PRR5L: variants seen among roughly 807,000 people sequenced by gnomAD.
PRR5L encodes proline rich 5 like, also known as proline-rich protein 5-like.
PRR5L carries 21 observed loss-of-function variants against 36.4 expected under a neutral mutation model. The observed-to-expected ratio is 0.58, with a 90% CI of 0.41 to 0.83. PRR5L has a LOEUF of 0.83. Among genes scored for constraint, PRR5L ranks in the 40% least tolerant of loss-of-function variants. PRR5L has a pLI of 0.00. For missense variants in PRR5L, 381 were observed against 473.3 expected (o/e 0.80, Z 1.81); for synonymous variants, 188 against 197.0 (o/e 0.95, Z 0.38).
chr11:36,443,183 G>A (rs780767987), intron 6 of PRR5L, among the ~76,000 whole-genome samples: 16 of 152,148 alleles, frequency 1.1e-4, no homozygotes, highest in Admixed American at 3.9e-4. Context: ...GCTTATAACC[G>A]TGGCAGAAAG....
chr11:36,302,245 A>C (rs1033919958), intron 1 of PRR5L, among the ~76,000 whole-genome samples: 1 of 152,184 alleles, frequency 6.6e-6, no homozygotes, highest in African/African-American at 2.4e-5. Flanking sequence ...GACCTGAGGA[A>C]GAGTGATCCT....
chr11:36,332,964 A>T (rs1171398898), intron 1 of PRR5L, among the ~76,000 whole-genome samples: 3 of 152,060 alleles, frequency 2.0e-5, no homozygotes, highest in Admixed American at 1.3e-4. Context: ...AAATGGACTA[A>T]TAAACCATTC....
At chr11:36,313,889 A>C (rs1040624434) in intron 1 of PRR5L, among the ~76,000 whole-genome samples, 2 of 152,224 alleles carry the variant, frequency 1.3e-5, no homozygotes, top group Non-Finnish European at 2.9e-5. Flanking sequence ...TGCACTGGGC[A>C]GTTTGGTGTA....
intron 1 of PRR5L, among the ~76,000 whole-genome samples, chr11:36,309,161 G>A (rs1856468323): frequency 6.6e-6 from 1 of 152,204 alleles, no homozygotes; most frequent in South Asian, 2.1e-4. Context: ...GGCTCAGGGA[G>A]GGAAAGACTT....
intron 1 of PRR5L, among the ~76,000 whole-genome samples, chr11:36,389,067 A>G (rs1381738371): frequency 1.3e-5 from 2 of 152,232 alleles, no homozygotes; most frequent in Admixed American, 6.5e-5. Context: ...ACATATGGCC[A>G]GTTCCCTGTT....
chr11:36,302,638 T>G (rs1261968691), intron 1 of PRR5L, among the ~76,000 whole-genome samples: 1 of 151,926 alleles, frequency 6.6e-6, no homozygotes, highest in Non-Finnish European at 1.5e-5. Flanking sequence ...ATACAAAAAA[T>G]TAGCTGGGCA....
At chr11:36,374,150 C>T (rs1223979625) in intron 1 of PRR5L, among the ~76,000 whole-genome samples, 1 of 151,430 alleles carries the variant, frequency 6.6e-6, no homozygotes, top group African/African-American at 2.4e-5. Flanking sequence ...CTCTGTCTCC[C>T]AGGCTGGAGT....
intron 1 of PRR5L, among the ~76,000 whole-genome samples, chr11:36,331,798 CGAGTTCATAGAAAAATGT>C (rs1565393320): frequency 6.6e-6 from 1 of 152,118 alleles, no homozygotes; most frequent in East Asian, 1.9e-4. Flanking sequence ...TGTATATCCA[CGAGTTCATAGAAAAATGT>C]GATTCAAAGA....
intron 4 of PRR5L, among the ~76,000 whole-genome samples, chr11:36,423,863 GCTCC>G (rs1017301688): frequency 2.6e-5 from 4 of 152,268 alleles, no homozygotes; most frequent in Admixed American, 2.6e-4. Context: ...TGGCCTAGAA[GCTCC>G]CACTGGCCAC....
intron 4 of PRR5L, among the ~76,000 whole-genome samples, chr11:36,420,463 T>C (rs932358972): frequency 6.6e-6 from 1 of 152,094 alleles, no homozygotes; most frequent in Non-Finnish European, 1.5e-5. Context: ...TCCTTTTCTG[T>C]GAAACAGCAG....
At chr11:36,455,280 A>G (rs909418926) in intron 8 of PRR5L, 3 of 152,698 alleles carry the variant, frequency 2.0e-5, no homozygotes, top group Non-Finnish European at 4.4e-5. Flanking sequence ...GGGCCTGGCC[A>G]GGGAGCCTGG....
intron 7 of PRR5L, among the ~76,000 whole-genome samples, 199 bp downstream of exon 7, chr11:36,446,639 G>T (rs1590600653): frequency 6.6e-6 from 1 of 152,310 alleles, no homozygotes; most frequent in African/African-American, 2.4e-5. Context: ...GTTAGGTCCT[G>T]GTGCTGTGCT....
chr11:36,298,764 G>C (rs1162029313), intron 1 of PRR5L, among the ~76,000 whole-genome samples: 1 of 152,210 alleles, frequency 6.6e-6, no homozygotes, highest in Non-Finnish European at 1.5e-5. Context: ...GAGGTTAAAA[G>C]TCCAAGATCA....
chr11:36,446,081 C>T (rs903260306), intron 6 of PRR5L, among the ~76,000 whole-genome samples: 5 of 152,220 alleles, frequency 3.3e-5, no homozygotes, highest in South Asian at 2.1e-4. Context: ...TATTGTCTTT[C>T]GGTCATTTAG....
chr11:36,411,000 C>A (rs1313695609), intron 3 of PRR5L, among the ~76,000 whole-genome samples: 1 of 152,192 alleles, frequency 6.6e-6, no homozygotes, highest in African/African-American at 2.4e-5. Context: ...TTGGGGCAAA[C>A]CCTACTTGCC....
At chr11:36,352,481 T>G (rs1349175815) in intron 1 of PRR5L, among the ~76,000 whole-genome samples, 1 of 151,932 alleles carries the variant, frequency 6.6e-6, no homozygotes, top group Non-Finnish European at 1.5e-5. Context: ...AATTAGAGAG[T>G]TTTAGATCTA....
In PRR5L at chr11:36,404,276, T is replaced by TGTTTTTG. The variant is rs200989174; in HGVS notation, c.245+898_245+899insGTTTTTG. Among the ~76,000 whole-genome samples, 47 of 150,352 alleles carry TGTTTTTG rather than the reference T, an allele frequency of 3.1e-4. 1 individual carries two copies. Among genetic ancestry groups the TGTTTTTG allele is most frequent in the Non-Finnish European group, 4.4e-4 (30 of 67,784 alleles). ...AGATCGATCCATCAGGTCTTTTTTTTTTTTTTTTTTTTTTAAACGGAGTCT... is the reference window on the plus strand; with the variant it reads ...AGATCGATCCATCAGGTCTTTTTTTTGTTTTTGTTTTTTTTTTTTTTAAACGGAGTCT... On this transcript the variant is annotated intron_variant, in intron 3 of 8. Transcript: ENST00000530639.
chr11:36,303,918 G>A (rs1358792272), intron 1 of PRR5L, among the ~76,000 whole-genome samples: 2 of 152,114 alleles, frequency 1.3e-5, no homozygotes, highest in Non-Finnish European at 2.9e-5. Flanking sequence ...GTGGCTTATT[G>A]ATCAGGGTGG....
chr11:36,353,925 T>C (rs543649698), intron 1 of PRR5L, among the ~76,000 whole-genome samples: 6 of 152,022 alleles, frequency 3.9e-5, no homozygotes, highest in Non-Finnish European at 7.4e-5. Flanking sequence ...TGAGAGACCA[T>C]TTCTAGGACT....
Sources: gnomAD v4.1 joint callset for allele counts (sites outside exome capture counted in the v4.1 genomes callset) on GRCh38, gnomAD v4.1.1 for gene constraint, MANE v1.5 for transcripts, NCBI Gene and HGNC (gene_info 2026-07-23, HGNC 2026-07-21) for gene names.